Variants in PLCL1 observed in about 807,000 individuals in gnomAD.
PLCL1 encodes phospholipase C like 1 (inactive).
A neutral mutation model predicts 84.4 loss-of-function variants in PLCL1; 41 were observed. The observed-to-expected ratio is 0.49, with a 90% CI of 0.38 to 0.63. PLCL1 has a LOEUF of 0.63. PLCL1 is among the 30% of genes least tolerant of loss of function. The pLI, the probability that PLCL1 is intolerant of heterozygous loss-of-function variation, is 0.00. For missense variants in PLCL1, 1,206 were observed against 1,367.8 expected (o/e 0.88, Z 1.87); for synonymous variants, 490 against 488.3 (o/e 1.00, Z -0.05).
chr2:198,047,945 T>A (rs1691845737), intron 1 of PLCL1, among the ~76,000 whole-genome samples: 1 of 152,162 alleles, frequency 6.6e-6, no homozygotes, highest in African/African-American at 2.4e-5. Context: ...TGGTGGCAGA[T>A]TAAGAACCTT....
intron 1 of PLCL1, among the ~76,000 whole-genome samples, chr2:197,819,666 ATTAT>A (rs1690766197): frequency 6.6e-6 from 1 of 152,082 alleles, no homozygotes; most frequent in Admixed American, 6.6e-5. Context: ...TTAAAATGAG[ATTAT>A]TTGTGATAAT....
At position 197,875,909 on chromosome 2, in the gene PLCL1, G is replaced by C. The variant is rs541010611; in HGVS notation, c.240+70570G>C. On this transcript the variant is annotated intron_variant, in intron 1 of 5. Transcript: ENST00000428675. ...CAGATAAGGAAAGTAGACACAGGGA[G>C]AGTAAATGTTTGGCTGAGCCTGGAA... 6.1e-4 allele frequency among the ~76,000 whole-genome samples: 93 copies of C among 152,270 alleles called. 1 individual carries two copies. The highest frequency in any genetic ancestry group is 2.2e-3 in the African/African-American group (93 of 41,566).
chr2:198,036,456 A>G (rs557909759), intron 1 of PLCL1, among the ~76,000 whole-genome samples: 1 of 152,346 alleles, frequency 6.6e-6, no homozygotes, highest in African/African-American at 2.4e-5. Flanking sequence ...GCATTTTCAA[A>G]CATGCTATTG....
intron 1 of PLCL1, among the ~76,000 whole-genome samples, chr2:198,013,637 A>C: frequency 6.6e-6 from 1 of 152,138 alleles, no homozygotes; most frequent in African/African-American, 2.4e-5. Context: ...TCTGAATTTA[A>C]GGCAAATATG....
At chr2:197,828,301 A>G (rs1441946097) in intron 1 of PLCL1, among the ~76,000 whole-genome samples, 1 of 152,082 alleles carries the variant, frequency 6.6e-6, no homozygotes. Flanking sequence ...CACATAGAAA[A>G]CTTATATTAT....
At chr2:198,057,969 G>GA (rs1435388425) in intron 1 of PLCL1, among the ~76,000 whole-genome samples, 2 of 152,046 alleles carry the variant, frequency 1.3e-5, no homozygotes, top group South Asian at 2.1e-4. Context: ...TGTAAAATTG[G>GA]AAAAAAATAG....
intron 1 of PLCL1, among the ~76,000 whole-genome samples, chr2:198,031,631 A>G: frequency 6.8e-6 from 1 of 146,410 alleles, no homozygotes. Context: ...CTGAGGTTAC[A>G]GGTATGAGCC....
At chr2:197,986,329 A>G (rs1370148855) in intron 1 of PLCL1, among the ~76,000 whole-genome samples, 2 of 152,186 alleles carry the variant, frequency 1.3e-5, no homozygotes, top group Non-Finnish European at 2.9e-5. Context: ...GTCTGAAGCC[A>G]TATTCCACTT....
At chr2:198,091,536 C>T (rs1474419236) in intron 3 of PLCL1, among the ~76,000 whole-genome samples, 4 of 151,310 alleles carry the variant, frequency 2.6e-5, no homozygotes, top group Admixed American at 1.3e-4. Flanking sequence ...AAAAATTAGC[C>T]GGGCATGGTG....
At chr2:198,064,359 G>A (rs34388051) in intron 1 of PLCL1, among the ~76,000 whole-genome samples, 109,951 of 151,426 alleles carry the variant, frequency 0.73, 40,742 homozygotes, top group African/African-American at 0.87. Flanking sequence ...TCCTTAATTC[G>A]GGAATTTAAC....
At chr2:197,844,938 T>C (rs1272794210) in intron 1 of PLCL1, among the ~76,000 whole-genome samples, 1 of 152,086 alleles carries the variant, frequency 6.6e-6, no homozygotes, top group African/African-American at 2.4e-5. Context: ...AGATGGAGAT[T>C]TCCTGTCAGT....
chr2:197,912,210 C>T (rs1401384374), intron 1 of PLCL1, among the ~76,000 whole-genome samples: 1 of 152,016 alleles, frequency 6.6e-6, no homozygotes, highest in Non-Finnish European at 1.5e-5. Context: ...TCATCACTGG[C>T]CATCAGAGAA....
chr2:197,987,112 A>C (rs1223469545), intron 1 of PLCL1, among the ~76,000 whole-genome samples: 1 of 152,214 alleles, frequency 6.6e-6, no homozygotes, highest in Non-Finnish European at 1.5e-5. Flanking sequence ...AAGTCTCATT[A>C]GTTTTTAAAG....
chr2:197,911,965 A>G lies in PLCL1; in HGVS notation c.240+106626A>G, dbSNP rs571229428. 1.2e-4 allele frequency among the ~76,000 whole-genome samples: 19 copies of G among 152,308 alleles called. No homozygotes were observed. The South Asian group carries it at 3.9e-3, about 32-fold the overall frequency. ...AAATGGAGAGAGCCGCTACCACTTC[A>G]TACATCTTAATGCTTCCAGGATTAT... On this transcript the variant is annotated intron_variant, in intron 1 of 5. Transcript: ENST00000428675.
intron 1 of PLCL1, among the ~76,000 whole-genome samples, chr2:198,072,403 G>C (rs895159335): frequency 3.3e-5 from 5 of 151,066 alleles, no homozygotes; most frequent in Non-Finnish European, 7.4e-5. Context: ...TCGGTAAATA[G>C]TTATATTTTC....
intron 1 of PLCL1, among the ~76,000 whole-genome samples, chr2:197,912,387 G>A (rs1688498843): frequency 6.6e-6 from 1 of 151,300 alleles, no homozygotes; most frequent in Non-Finnish European, 1.5e-5. Flanking sequence ...TCAGTGTGGC[G>A]ATTCCTCAGG....
At chr2:197,975,039 G>A (rs1187541277) in intron 1 of PLCL1, among the ~76,000 whole-genome samples, 1 of 151,300 alleles carries the variant, frequency 6.6e-6, no homozygotes, top group African/African-American at 2.4e-5. Flanking sequence ...TACTCGGGAG[G>A]CTGAGGCAGG....
chr2:198,137,167 A>G (rs1694274047), intron 5 of PLCL1, among the ~76,000 whole-genome samples: 1 of 152,172 alleles, frequency 6.6e-6, no homozygotes, highest in African/African-American at 2.4e-5. Context: ...CAAATAAACA[A>G]TATAGAGATT....
intron 1 of PLCL1, among the ~76,000 whole-genome samples, chr2:198,049,576 G>A (rs1016821777): frequency 2.0e-5 from 3 of 152,208 alleles, no homozygotes; most frequent in African/African-American, 7.2e-5. Context: ...ATTTTCTTAA[G>A]GGGGTTAGGT....
Sources: allele counts gnomAD v4.1 joint callset (sites outside exome capture counted in the v4.1 genomes callset), GRCh38; gene constraint gnomAD v4.1.1; transcripts MANE v1.5; gene names NCBI Gene and HGNC (gene_info 2026-07-23, HGNC 2026-07-21).